Variants in ZNF215 observed in about 807,000 individuals in gnomAD.
The protein encoded by ZNF215 is BWSCR2-associated zinc finger protein 2.
A neutral mutation model predicts 27.2 loss-of-function variants in ZNF215; 24 were observed. That is an observed-to-expected ratio of 0.88 (90% CI 0.64 to 1.24). The LOEUF (loss-of-function observed/expected upper bound fraction) is 1.24. Among genes scored for constraint, ZNF215 ranks in the 50% most tolerant of loss-of-function variants. ZNF215 has a pLI of 0.00. For synonymous variants in ZNF215, 210 were observed against 204.0 expected, an observed-to-expected ratio of 1.03 and a Z score of -0.25; for missense variants, 675 against 605.7, an observed-to-expected ratio of 1.11 and a Z score of -1.20.
At chr11:6,948,823 T>G (rs1359779407) in intron 6 of ZNF215, among the ~76,000 whole-genome samples, 2 of 152,036 alleles carry the variant, frequency 1.3e-5, no homozygotes, top group Non-Finnish European at 2.9e-5. Flanking sequence ...CTTGTATACA[T>G]GTGCCATGCT....
At chr11:6,992,273 AT>A (rs1388280454), downstream of ZNF215, among the ~76,000 whole-genome samples, 1 of 152,186 alleles carries the variant, frequency 6.6e-6, no homozygotes, top group East Asian at 1.9e-4. Context: ...AGATTTCACA[AT>A]TGTGAGCAAA....
intron 6 of ZNF215, among the ~76,000 whole-genome samples, chr11:6,948,957 T>G (rs958831023): frequency 4.2e-5 from 6 of 143,074 alleles, no homozygotes; most frequent in African/African-American, 1.0e-4. Flanking sequence ...GTCCATGTGT[T>G]CTCATTGTTC....
chr11:6,941,496 T>G (rs887529519), intron 3 of ZNF215, 75 bp from the exon 4 acceptor site: 86 of 1,304,174 alleles, frequency 6.6e-5, no homozygotes, highest in Non-Finnish European at 9.2e-5. Context: ...AATATCATAT[T>G]AAAACAACTA....
intron 6 of ZNF215, among the ~76,000 whole-genome samples, chr11:6,950,084 T>C (rs1425206712): frequency 6.6e-6 from 1 of 151,652 alleles, no homozygotes; most frequent in African/African-American, 2.4e-5. Context: ...TCTGTTCCAT[T>C]GATCTATATC....
At chr11:6,943,418 T>C in intron 5 of ZNF215, 128 bp from the exon 6 acceptor site, 1 of 1,104,638 alleles carries the variant, frequency 9.1e-7, no homozygotes, top group Non-Finnish European at 1.3e-6. Flanking sequence ...AAGTCTATGG[T>C]GCTCTTCTGG....
intron 6 of ZNF215, among the ~76,000 whole-genome samples, chr11:6,948,216 A>T (rs1169098288): frequency 6.6e-6 from 1 of 152,130 alleles, no homozygotes; most frequent in Non-Finnish European, 1.5e-5. Flanking sequence ...TCCCTTGCAA[A>T]ATATATTTAC....
exon 6 of ZNF215, chr11:6,984,500 G>A (rs934497197): frequency 6.5e-6 from 1 of 153,022 alleles, no homozygotes; most frequent in Non-Finnish European, 1.5e-5. Flanking sequence ...AAATGCACAC[G>A]AAAATGTATG....
In ZNF215 at chr11:6,941,669, A is replaced by G. The variant is rs1428819026; in HGVS notation, c.483+16A>G. On this transcript the variant is annotated intron_variant, in intron 4 of 6. Coordinates refer to ENST00000278319, the MANE Select transcript of ZNF215 (RefSeq NM_013250.4). ...CAAACCACAGGTGAATTAGGATTCT[A>G]GTCTTTACTGAACACATATGCTCAT... is the stretch of plus-strand genomic sequence containing the variant. 4.3e-6 allele frequency: 7 copies of G among 1,613,302 alleles called. No individual in the cohort carries two copies. Among genetic ancestry groups the G allele is most frequent in the Non-Finnish European group, 5.9e-6 (7 of 1,179,500 alleles).
intron 5 of ZNF215, among the ~76,000 whole-genome samples, chr11:6,983,889 T>G (rs1296901705): frequency 6.6e-6 from 1 of 151,894 alleles, no homozygotes; most frequent in African/African-American, 2.4e-5. Flanking sequence ...AAAGTCCAAA[T>G]GAATGATAAA....
chr11:6,959,067 A>G (rs776172971), downstream of ZNF215, among the ~76,000 whole-genome samples: 1 of 152,134 alleles, frequency 6.6e-6, no homozygotes, highest in Non-Finnish European at 1.5e-5. Context: ...CTTCAATCCA[A>G]TCAAGTTGGC....
At chr11:6,973,420 G>C (rs940513922) in intron 5 of ZNF215, among the ~76,000 whole-genome samples, 1 of 152,154 alleles carries the variant, frequency 6.6e-6, no homozygotes, top group Admixed American at 6.5e-5. Flanking sequence ...CCAGTAATGG[G>C]ATGGCTGGGT....
intron 6 of ZNF215, among the ~76,000 whole-genome samples, chr11:6,954,292 G>A (rs1259915770): frequency 2.0e-5 from 3 of 152,222 alleles, no homozygotes; most frequent in Admixed American, 1.3e-4. Context: ...ATTTAAGTCT[G>A]CAGAGGTTAC....
chr11:6,952,845 T>A (rs1850134956), intron 6 of ZNF215, among the ~76,000 whole-genome samples: 1 of 151,750 alleles, frequency 6.6e-6, no homozygotes, highest in African/African-American at 2.4e-5. Context: ...GTCTTTACAA[T>A]TTGGCATGAT....
intron 5 of ZNF215, among the ~76,000 whole-genome samples, chr11:6,973,220 A>G (rs1036294835): frequency 6.6e-6 from 1 of 152,192 alleles, no homozygotes; most frequent in Non-Finnish European, 1.5e-5. Flanking sequence ...TACAAAGGAC[A>G]TGAACTCATC....
intron 6 of ZNF215, among the ~76,000 whole-genome samples, chr11:6,949,764 T>C (rs1050109744): frequency 6.6e-6 from 1 of 152,250 alleles, no homozygotes; most frequent in Non-Finnish European, 1.5e-5. Flanking sequence ...ATTTTGGCTT[T>C]TGTTTCCATT....
At chr11:6,971,880 AT>A (rs1315004516) in intron 5 of ZNF215, among the ~76,000 whole-genome samples, 1 of 152,172 alleles carries the variant, frequency 6.6e-6, no homozygotes, top group Non-Finnish European at 1.5e-5. Context: ...AGGGTTAGCC[AT>A]TGTCTCTTAG....
intron 5 of ZNF215, among the ~76,000 whole-genome samples, chr11:6,981,271 G>C (rs1405099964): frequency 1.4e-5 from 2 of 148,108 alleles, no homozygotes; most frequent in Non-Finnish European, 3.0e-5. Flanking sequence ...TCCAGCACCT[G>C]TTGTTTCCTG....
intron 6 of ZNF215, among the ~76,000 whole-genome samples, chr11:6,953,009 G>T (rs1306887139): frequency 6.6e-6 from 1 of 152,174 alleles, no homozygotes; most frequent in Non-Finnish European, 1.5e-5. Context: ...AGTTTGGCTG[G>T]ATATGAAATT....
downstream of ZNF215, among the ~76,000 whole-genome samples, chr11:6,985,501 G>A (rs1221201403): frequency 2.6e-5 from 4 of 152,058 alleles, no homozygotes; most frequent in Admixed American, 6.6e-5. Flanking sequence ...AGATGGCCAC[G>A]CTCACCACTC....
Sources: allele counts gnomAD v4.1 joint callset (sites outside exome capture counted in the v4.1 genomes callset), GRCh38; gene constraint gnomAD v4.1.1; transcripts MANE v1.5; gene names NCBI Gene and HGNC (gene_info 2026-07-23, HGNC 2026-07-21).